The following LAMB1 variants were observed in gnomAD, a reference collection of about 807,000 sequenced individuals.
The protein encoded by LAMB1 is laminin subunit beta-1.
LAMB1 carries 121 observed loss-of-function variants against 222.3 expected under a neutral mutation model. That is an observed-to-expected ratio of 0.54 (90% CI 0.47 to 0.63). The LOEUF is 0.63. Among genes scored for constraint, LAMB1 ranks in the 30% least tolerant of loss-of-function variants. The pLI, the probability that LAMB1 is intolerant of heterozygous loss-of-function variation, is 0.00. For synonymous variants in LAMB1, 794 were observed against 807.2 expected, an observed-to-expected ratio of 0.98 and a Z score of 0.28; for missense variants, 2,172 against 2,240.8, an observed-to-expected ratio of 0.97 and a Z score of 0.62.
intron 24 of LAMB1, among the ~76,000 whole-genome samples, chr7:107,947,800 T>C (rs954433152): frequency 9.9e-5 from 15 of 152,122 alleles, no homozygotes; most frequent in African/African-American, 3.6e-4. Context: ...TTTATTATTA[T>C]TGGCTCCTGC....
intron 31 of LAMB1, among the ~76,000 whole-genome samples, chr7:107,928,131 G>T (rs1006708983): frequency 1.3e-5 from 2 of 152,186 alleles, no homozygotes; most frequent in African/African-American, 4.8e-5. Context: ...TCTTTTAAGA[G>T]ATAAAGAGGA....
At chr7:107,931,272 T>A in intron 29 of LAMB1, 84 bp downstream of exon 29, 357 of 1,124,442 alleles carry the variant, frequency 3.2e-4, no homozygotes, top group Middle Eastern at 7.5e-4. Context: ...CTTAGTACCC[T>A]GACAGAAATG....
intron 7 of LAMB1, among the ~76,000 whole-genome samples, chr7:107,984,049 T>C (rs189766346): frequency 1.3e-5 from 2 of 152,336 alleles, no homozygotes; most frequent in East Asian, 3.9e-4. Flanking sequence ...ATTGAGTATA[T>C]TGAGAATGGC....
At chr7:107,950,051 G>A (rs2033207522) in intron 24 of LAMB1, among the ~76,000 whole-genome samples, 1 of 152,148 alleles carries the variant, frequency 6.6e-6, no homozygotes, top group African/African-American at 2.4e-5. Flanking sequence ...CCAATATGGT[G>A]AAACCCCATC....
intron 14 of LAMB1, 57 bp from the exon 15 acceptor site, chr7:107,963,120 C>T (rs2033548909): frequency 6.8e-7 from 1 of 1,463,698 alleles, no homozygotes. Flanking sequence ...CAATAATTTT[C>T]AATAGTCAAA....
intron 4 of LAMB1, among the ~76,000 whole-genome samples, chr7:107,997,345 C>G (rs2034298925): frequency 6.6e-6 from 1 of 152,148 alleles, no homozygotes; most frequent in Non-Finnish European, 1.5e-5. Context: ...ATCACTTGAA[C>G]CCAGGACGTG....
At chr7:107,955,421 C>T (rs764700282) in intron 21 of LAMB1, 46 bp downstream of exon 21, 2 of 1,538,862 alleles carry the variant, frequency 1.3e-6, no homozygotes, top group Admixed American at 3.6e-5. Flanking sequence ...CTCATAAAGA[C>T]ATCTTTTTCT....
intron 31 of LAMB1, among the ~76,000 whole-genome samples, 188 bp from the exon 32 acceptor site, chr7:107,926,547 T>C (rs1408551124): frequency 6.6e-6 from 1 of 152,198 alleles, no homozygotes; most frequent in Non-Finnish European, 1.5e-5. Context: ...CTACATTTCA[T>C]ATATTCACTT....
At chr7:107,938,570 A>G (rs936605507) in intron 25 of LAMB1, among the ~76,000 whole-genome samples, 5 of 152,166 alleles carry the variant, frequency 3.3e-5, no homozygotes, top group Admixed American at 1.3e-4. Flanking sequence ...ATGAATAGTG[A>G]CGGTAGAAAC....
Position 107,940,175 on chromosome 7 carries a change from T to G in LAMB1, c.3575A>C (p.Glu1192Ala). Residue 1192 changes from glutamate to alanine, a missense_variant, in exon 25 of 34, where the codon GAG (glutamate) becomes GCG (alanine). Coordinates refer to ENST00000222399, the MANE Select transcript of LAMB1 (RefSeq NM_002291.3). ...GAATCTGTGTGTCCTGTTGGTCAGC[T>G]CGGCAATGATCACATCCCAGAGAGC... ...CFALWDVIIA[E>A]LTNRTHRFLE... is the part of the protein sequence containing the mutation. The G allele has an allele frequency of 6.2e-7, 1 of 1,614,050 alleles. No homozygotes were observed. The highest frequency in any genetic ancestry group is 2.2e-5 in the East Asian group (1 of 44,866).
At chr7:107,961,163 G>A (rs377477186) in intron 17 of LAMB1, 43 bp downstream of exon 17, 76 of 1,612,216 alleles carry the variant, frequency 4.7e-5, no homozygotes, top group African/African-American at 2.9e-4. Flanking sequence ...GGCACTTTCC[G>A]CCCAGGCTTT....
Position 107,986,367 on chromosome 7 carries a change from A to T in LAMB1, c.424-4T>A. On this transcript the variant is annotated splice_polypyrimidine_tract_variant and splice_region_variant and intron_variant, in intron 5 of 33. Transcript: ENST00000222399. ...GCATAGCAGCTGGACGGAATGTCTA[A>T]AGGCAGGAGCAAAAATCTCATTTGA... is the stretch of plus-strand genomic sequence containing the variant. The T allele has an allele frequency of 6.4e-7, 1 of 1,562,914 alleles. No homozygotes were observed. The highest frequency in any genetic ancestry group is 8.7e-7 in the Non-Finnish European group (1 of 1,152,778).
intron 5 of LAMB1, among the ~76,000 whole-genome samples, chr7:107,986,864 T>C (rs2034088729): frequency 6.6e-6 from 1 of 152,016 alleles, no homozygotes; most frequent in Admixed American, 6.6e-5. Context: ...CATAGTAGGG[T>C]TGCATGCAAT....
intron 25 of LAMB1, among the ~76,000 whole-genome samples, chr7:107,937,760 G>GACA (rs2032881399): frequency 6.6e-6 from 1 of 152,156 alleles, no homozygotes; most frequent in African/African-American, 2.4e-5. Context: ...CTGCCACAAA[G>GACA]ACAACAGGAG....
intron 20 of LAMB1, among the ~76,000 whole-genome samples, chr7:107,958,575 C>A (rs904831271): frequency 1.3e-5 from 2 of 152,186 alleles, no homozygotes; most frequent in African/African-American, 4.8e-5. Flanking sequence ...GAGACTATTA[C>A]GCCCAAAAAG....
intron 2 of LAMB1, chr7:108,002,279 G>A (rs1283020150): frequency 7.6e-7 from 1 of 1,311,672 alleles, no homozygotes; most frequent in Admixed American, 2.3e-5. Flanking sequence ...CGGGGCTCGC[G>A]GTGGACGCCG....
In LAMB1 at chr7:107,929,516, TA is replaced by T; in HGVS notation, c.4640del (p.Ile1547AsnfsTer11). ...PQQLQNLTED[I>X]RERVESLSQV... The stretch of plus-strand genomic sequence containing the variant: ...GAGAAAGGCTTTCAACTCGTTCACG[TA>T]TATCTTCTGTCAAGTTCTGTAACTG... On this transcript the variant is annotated frameshift_variant, in exon 30 of 34. Coordinates refer to ENST00000222399, the MANE Select transcript of LAMB1 (RefSeq NM_002291.3). LOFTEE classifies it high-confidence loss of function. 6.2e-7 allele frequency: 1 copy of T among 1,614,072 alleles called. No homozygotes were observed. Among genetic ancestry groups the T allele is most frequent in the Non-Finnish European group, 8.5e-7 (1 of 1,179,926 alleles).
In LAMB1 at chr7:108,001,815, G is replaced by C. The variant is rs1490326165; in HGVS notation, c.38-82C>G. ...AAAAAACGAACAAGCGGGGGCGGGG[G>C]AGTGGGTGCGGAGAGAGGACAGTCC... On this transcript the variant is annotated intron_variant, in intron 2 of 33. Transcript: ENST00000222399. The C allele has an allele frequency of 1.9e-6, 3 of 1,571,368 alleles. No individual in the cohort carries two copies. The South Asian group carries it at 3.5e-5, about 18-fold the overall frequency.
At chr7:107,974,917 A>G in intron 12 of LAMB1, 69 bp downstream of exon 12, 1 of 905,272 alleles carries the variant, frequency 1.1e-6, no homozygotes, top group South Asian at 1.3e-5. Flanking sequence ...TACAATGGCG[A>G]AAAGGCTTCT....
Sources: allele counts gnomAD v4.1 joint callset (sites outside exome capture counted in the v4.1 genomes callset), GRCh38; gene constraint gnomAD v4.1.1; transcripts MANE v1.5; gene names NCBI Gene and HGNC (gene_info 2026-07-23, HGNC 2026-07-21).